Variants in KL observed in about 807,000 individuals in gnomAD.
KL encodes klotho, also known as alpha-klotho.
A neutral mutation model predicts 84.2 loss-of-function variants in KL; 62 were observed. The ratio of observed to expected loss-of-function variants is 0.74; its 90% confidence interval spans 0.60 to 0.91. KL has a LOEUF of 0.91. Ranked by LOEUF, KL falls within the 40% of genes least tolerant of loss-of-function variation. KL has a pLI of 0.00. For missense variants in KL, 1,261 were observed against 1,305.7 expected (o/e 0.97, Z 0.53); for synonymous variants, 528 against 528.0 (o/e 1.00, Z 0.00).
chr13:33,018,403 G>T (rs1031185004), intron 1 of KL, among the ~76,000 whole-genome samples: 1 of 152,158 alleles, frequency 6.6e-6, no homozygotes, highest in Non-Finnish European at 1.5e-5. Context: ...AGCAGTACTG[G>T]GTTATTGAGG....
intron 1 of KL, among the ~76,000 whole-genome samples, chr13:33,053,382 T>C (rs1368500567): frequency 6.6e-6 from 1 of 152,210 alleles, no homozygotes; most frequent in African/African-American, 2.4e-5. Flanking sequence ...CCTGGTGTGA[T>C]CACAGATGTA....
At chr13:33,041,448 G>A (rs1871336942) in intron 1 of KL, among the ~76,000 whole-genome samples, 1 of 148,826 alleles carries the variant, frequency 6.7e-6, no homozygotes. Context: ...AATACTGTAA[G>A]TATCTTTGAA....
Position 33,061,681 on chromosome 13 carries a change from A to G in KL, c.2602A>G (p.Met868Val), listed in dbSNP as rs1340305363. ...WLKFKYGDLP[M>V]YIISNGIDDG... ...GAAGTTCAAGTACGGAGACCTCCCC[A>G]TGTACATAATATCCAATGGAATCGA... The change falls in exon 4 of 5, where the codon ATG becomes GTG. Residue 868 changes from methionine (M) to valine (V), a missense_variant. By Grantham distance (21) the Met-to-Val change is conservative (BLOSUM62 1). Transcript: ENST00000380099. 1.9e-6 allele frequency: 3 copies of G among 1,614,110 alleles called. No individual in the cohort carries two copies. Among genetic ancestry groups the G allele is most frequent in the South Asian group, 1.1e-5 (1 of 91,076 alleles).
chr13:33,020,559 C>A, intron 1 of KL, among the ~76,000 whole-genome samples: 1 of 151,046 alleles, frequency 6.6e-6, no homozygotes. Context: ...CATCCCAAAC[C>A]AAACCCCTGC....
chr13:33,049,116 T>C (rs934041221), intron 1 of KL, among the ~76,000 whole-genome samples: 1 of 152,196 alleles, frequency 6.6e-6, no homozygotes, highest in South Asian at 2.1e-4. Flanking sequence ...TGAGATAATA[T>C]GGTATTATTC....
At position 33,061,432 on chromosome 13, in the gene KL, C is replaced by G; in HGVS notation, c.2353C>G (p.Leu785Val). Residue 785 changes from leucine (L) to valine (V), a missense_variant, in exon 4 of 5, where the codon CTT becomes GTT. Coordinates refer to ENST00000380099, the MANE Select transcript of KL (RefSeq NM_004795.4). ...RDWLNQRNNF[L>V]LPYFTEDEKK... Reference sequence around the variant, plus strand: ...CTGGCTGAACCAAAGAAACAATTTTCTTCTTCCTTATTTCACTGAAGATGA... The same window carrying G: ...CTGGCTGAACCAAAGAAACAATTTTGTTCTTCCTTATTTCACTGAAGATGA... 3 of 1,614,168 alleles carry G rather than the reference C, an allele frequency of 1.9e-6. No individual in the cohort carries two copies. Among genetic ancestry groups the G allele is most frequent in the Non-Finnish European group, 2.5e-6 (3 of 1,180,006 alleles).
rs759027212 is a variant in KL at position 33,063,814 on chromosome 13, G to A, written c.2702-35G>A. On this transcript the variant is annotated intron_variant, in intron 4 of 4. Coordinates refer to ENST00000380099, the MANE Select transcript of KL (RefSeq NM_004795.4). The stretch of plus-strand genomic sequence containing the variant: ...AAGTGATGTGTTGTGTGCAAAATAC[G>A]TAATAACTACTCTCCTATCCTTTTG... 222 of 1,564,142 alleles carry A rather than the reference G, an allele frequency of 1.4e-4. 1 individual carries two copies. Among genetic ancestry groups the A allele is most frequent in the Non-Finnish European group, 1.8e-4 (204 of 1,136,686 alleles).
At chr13:33,028,494 G>T (rs1870859303) in intron 1 of KL, among the ~76,000 whole-genome samples, 1 of 152,150 alleles carries the variant, frequency 6.6e-6, no homozygotes, top group Non-Finnish European at 1.5e-5. Context: ...CTATGAAAGG[G>T]CAGGTCTAAC....
chr13:33,019,732 TGAGAGAGAGA>T (rs59216104), intron 1 of KL, among the ~76,000 whole-genome samples: 1 of 133,368 alleles, frequency 7.5e-6, no homozygotes, highest in Non-Finnish European at 1.6e-5. Context: ...TGTGTGTGTG[TGAGAGAGAGA>T]GAGAGAGAGA....
intron 1 of KL, among the ~76,000 whole-genome samples, chr13:33,029,471 T>C (rs754726696): frequency 3.3e-5 from 5 of 152,232 alleles, no homozygotes; most frequent in Non-Finnish European, 7.3e-5. Flanking sequence ...TACTATCTTA[T>C]TTGCACTCTA....
At chr13:33,033,376 A>G (rs912928728) in intron 1 of KL, among the ~76,000 whole-genome samples, 6 of 152,162 alleles carry the variant, frequency 3.9e-5, no homozygotes, top group African/African-American at 1.2e-4. Flanking sequence ...CTTTCGTCAC[A>G]GGGGATCAAG....
chr13:33,026,826 G>A (rs1342380879), intron 1 of KL, among the ~76,000 whole-genome samples: 1 of 152,118 alleles, frequency 6.6e-6, no homozygotes, highest in Non-Finnish European at 1.5e-5. Context: ...CCCTACTTGG[G>A]ACTTCTGGGA....
rs777944740 is a variant in KL, at chr13:33,017,031, C to T, written c.591C>T (p.Pro197=). ...TCACCCTGTACCACTGGGACCTGCC[C>T]CAGCGCCTGCAGGACGCCTACGGCG... The part of the protein sequence containing the change: ...PVVTLYHWDL[P]QRLQDAYGGW... The change falls in exon 1 of 5, where the codon CCC becomes CCT. Residue 197 remains proline, a synonymous_variant. Coordinates refer to ENST00000380099, the MANE Select transcript of KL (RefSeq NM_004795.4). 5 of 1,599,134 alleles carry T rather than the reference C, an allele frequency of 3.1e-6. No homozygotes were observed. The highest frequency in any genetic ancestry group is 1.3e-5 in the African/African-American group (1 of 74,852).
Position 33,053,799 on chromosome 13 carries a change from T to A in KL, c.852T>A (p.Thr284=), listed in dbSNP as rs1185067493. 16 of 1,614,062 alleles carry A rather than the reference T, an allele frequency of 9.9e-6. No individual in the cohort carries two copies. Among genetic ancestry groups the A allele is most frequent in the African/African-American group, 2.7e-5 (2 of 74,930 alleles). Residue 284 remains threonine, a synonymous_variant, in exon 2 of 5, where the codon ACT becomes ACA. Transcript: ENST00000380099. ...CCAAAGTCTGGCATCTCTACAATAC[T>A]TCTTTCCGTCCCACTCAGGGAGGTC... The part of the protein sequence containing the change: ...AHAKVWHLYN[T]SFRPTQGGQV...
At chr13:33,050,000 T>C (rs1191152996) in intron 1 of KL, among the ~76,000 whole-genome samples, 3 of 152,218 alleles carry the variant, frequency 2.0e-5, no homozygotes, top group Non-Finnish European at 4.4e-5. Flanking sequence ...ATAACCTTTT[T>C]CTGTTCAGAG....
Position 33,054,135 on chromosome 13 carries a change from A to C in KL, c.1188A>C (p.Gln396His). ...AATTGGAATCTCCCAACCTGAGGCA[A>C]CTGCTTTCCTGGATTGACCTTGAAT... ...FRQLESPNLR[Q>H]LLSWIDLEFN... Residue 396 changes from glutamine to histidine, a missense_variant, in exon 2 of 5, where the codon CAA (glutamine) becomes CAC (histidine). Physicochemically the swap from Gln to His is conservative, Grantham distance 24 (BLOSUM62 0). Transcript: ENST00000380099. The C allele has an allele frequency of 1.9e-6, 3 of 1,614,104 alleles. No homozygotes were observed. The highest frequency in any genetic ancestry group is 2.5e-6 in the Non-Finnish European group (3 of 1,180,022).
At chr13:33,042,072 T>G (rs115642569) in intron 1 of KL, among the ~76,000 whole-genome samples, 1 of 151,926 alleles carries the variant, frequency 6.6e-6, no homozygotes, top group Non-Finnish European at 1.5e-5. Context: ...ATATATATAT[T>G]TTTTTAACTA....
In KL at chr13:33,016,816, A is replaced by T; in HGVS notation, c.376A>T (p.Ser126Cys). The T allele has an allele frequency of 1.2e-6, 2 of 1,612,650 alleles. No homozygotes were observed. Among genetic ancestry groups the T allele is most frequent in the South Asian group, 1.1e-5 (1 of 91,064 alleles). Residue 126 changes from serine to cysteine, a missense_variant, in exon 1 of 5, where the codon AGC becomes TGC. By Grantham distance (112) the Ser-to-Cys change is moderately radical (BLOSUM62 -1). Coordinates refer to ENST00000380099, the MANE Select transcript of KL (RefSeq NM_004795.4). Reference protein sequence around the residue: ...PLQPATGDVASDSYNNVFRDT... With the variant: ...PLQPATGDVACDSYNNVFRDT... ...GCAGCCCGCCACCGGGGACGTAGCCAGCGACAGCTACAACAACGTCTTCCG... is the reference window on the plus strand; with the variant it reads ...GCAGCCCGCCACCGGGGACGTAGCCTGCGACAGCTACAACAACGTCTTCCG...
intron 1 of KL, among the ~76,000 whole-genome samples, chr13:33,048,461 T>G (rs1871619928): frequency 6.6e-6 from 1 of 152,212 alleles, no homozygotes; most frequent in Admixed American, 6.5e-5. Context: ...CTACCCAACC[T>G]TTGGTATTCA....
Sources: gnomAD v4.1 joint callset for allele counts (sites outside exome capture counted in the v4.1 genomes callset) on GRCh38, gnomAD v4.1.1 for gene constraint, MANE v1.5 for transcripts, NCBI Gene and HGNC (gene_info 2026-07-23, HGNC 2026-07-21) for gene names.